DOCK3: variants seen among roughly 807,000 people sequenced by gnomAD.
DOCK3 encodes the protein dedicator of cytokinesis protein 3.
A neutral mutation model predicts 265.6 loss-of-function variants in DOCK3; 60 were observed. That is an observed-to-expected ratio of 0.23 (90% CI 0.18 to 0.28). The LOEUF (loss-of-function observed/expected upper bound fraction) is 0.28, where lower values mean the gene tolerates loss of function less well. Among genes scored for constraint, DOCK3 ranks in the 10% least tolerant of loss-of-function variants. The probability of loss-of-function intolerance (pLI) is 1.00; values close to 1 mark genes in which losing one functional copy is unlikely to be tolerated. For synonymous variants in DOCK3, 881 were observed against 938.0 expected, an observed-to-expected ratio of 0.94 and a Z score of 1.11; for missense variants, 1,981 against 2,594.3, an observed-to-expected ratio of 0.76 and a Z score of 5.14.
intron 10 of DOCK3, among the ~76,000 whole-genome samples, chr3:51,158,801 G>A (rs1385050186): frequency 6.6e-6 from 1 of 152,160 alleles, no homozygotes; most frequent in Non-Finnish European, 1.5e-5. Flanking sequence ...ATCATTTGTG[G>A]ACAGAGGAAT....
At chr3:51,237,735 C>A in intron 21 of DOCK3, 145 bp downstream of exon 21, 1 of 720,342 alleles carries the variant, frequency 1.4e-6, no homozygotes. Flanking sequence ...ATACACATAA[C>A]ACAAAATTGA....
At chr3:51,096,991 A>G (rs1487650453) in intron 9 of DOCK3, among the ~76,000 whole-genome samples, 1 of 152,182 alleles carries the variant, frequency 6.6e-6, no homozygotes, top group Non-Finnish European at 1.5e-5. Flanking sequence ...TTCGTCCCAG[A>G]GGGGCACCCA....
chr3:50,977,459 T>C (rs1374540458), intron 5 of DOCK3, among the ~76,000 whole-genome samples: 1 of 152,202 alleles, frequency 6.6e-6, no homozygotes, highest in African/African-American at 2.4e-5. Context: ...TTTAAGAATG[T>C]TGAATATTGG....
chr3:50,696,927 ATT>A (rs1193760650), intron 1 of DOCK3, among the ~76,000 whole-genome samples: 9 of 139,548 alleles, frequency 6.4e-5, no homozygotes, highest in Non-Finnish European at 9.4e-5. Flanking sequence ...ATAGCACTGA[ATT>A]TTTTTTTTTT....
intron 2 of DOCK3, chr3:50,787,949 A>T: frequency 1.0e-6 from 1 of 978,578 alleles, no homozygotes; most frequent in South Asian, 1.3e-5. Flanking sequence ...TTTGTAAAAG[A>T]CTTCTTCCTC....
intron 9 of DOCK3, among the ~76,000 whole-genome samples, chr3:51,125,561 C>T (rs1402210977): frequency 6.6e-6 from 1 of 152,092 alleles, no homozygotes; most frequent in Non-Finnish European, 1.5e-5. Context: ...ACAAGCAAGA[C>T]TTTGCCTCAT....
At chr3:51,340,871 G>A (rs1275455035) in intron 37 of DOCK3, among the ~76,000 whole-genome samples, 1 of 152,214 alleles carries the variant, frequency 6.6e-6, no homozygotes, top group Non-Finnish European at 1.5e-5. Flanking sequence ...AAAGGAAGCT[G>A]TAGTCAGTTG....
chr3:51,374,681 A>C lies in DOCK3; in HGVS notation c.5412+94A>C. On this transcript the variant is annotated intron_variant, in intron 50 of 52. Transcript: ENST00000266037. The surrounding 1 kb of genome is among the most constrained non-coding windows in gnomAD (Gnocchi z 4.8). ...TGCGGGGCCTTCTGCATTGTCCTAC[A>C]TGGCTCTCTCATTCCGCTGTAAGAT... is the stretch of plus-strand genomic sequence containing the variant. The C allele has an allele frequency of 7.4e-6, 9 of 1,210,550 alleles. No homozygotes were observed. The highest frequency in any genetic ancestry group is 9.5e-6 in the Non-Finnish European group (8 of 845,234). 75.0% of individuals were successfully genotyped at this position (1,210,550 alleles called of 1,614,324 possible). A position where few individuals can be genotyped will look rare whatever the true frequency, so the allele number is the denominator to read the frequency against.
intron 12 of DOCK3, among the ~76,000 whole-genome samples, chr3:51,173,046 G>C (rs1456670020): frequency 6.6e-6 from 1 of 152,086 alleles, no homozygotes; most frequent in Non-Finnish European, 1.5e-5. Flanking sequence ...CTATATATTA[G>C]TGATATAAGT....
chr3:50,869,387 T>TGGAGATAGGG (rs2047328223), intron 3 of DOCK3, among the ~76,000 whole-genome samples: 1 of 93,572 alleles, frequency 1.1e-5, no homozygotes, highest in Admixed American at 1.5e-4. Flanking sequence ...TTTTTTTTTT[T>TGGAGATAGGG]TTTGGAGATA....
At chr3:51,350,171 A>T in intron 39 of DOCK3, 117 bp from the exon 40 acceptor site, 1 of 836,104 alleles carries the variant, frequency 1.2e-6, no homozygotes, top group South Asian at 1.8e-5. Flanking sequence ...CTTACTTCTT[A>T]TCTAGATTGA....
At chr3:50,733,671 C>CA (rs1052969401) in intron 1 of DOCK3, among the ~76,000 whole-genome samples, 3 of 152,122 alleles carry the variant, frequency 2.0e-5, no homozygotes, top group South Asian at 4.1e-4. Flanking sequence ...TTTTAAAATC[C>CA]ATTTGGCCAC....
At chr3:51,308,902 T>C (rs1295102716) in intron 27 of DOCK3, among the ~76,000 whole-genome samples, 1 of 148,246 alleles carries the variant, frequency 6.7e-6, no homozygotes, top group Admixed American at 6.7e-5. Context: ...TCCTCACTTC[T>C]CAGACGGGGC....
intron 4 of DOCK3, among the ~76,000 whole-genome samples, chr3:50,928,504 T>C (rs1180702564): frequency 1.3e-5 from 2 of 152,248 alleles, no homozygotes; most frequent in Non-Finnish European, 2.9e-5. Flanking sequence ...TTGAATAATA[T>C]TCCATTGCAC....
chr3:50,802,001 A>T (rs981796869), intron 2 of DOCK3, among the ~76,000 whole-genome samples: 1 of 152,182 alleles, frequency 6.6e-6, no homozygotes, highest in Non-Finnish European at 1.5e-5. Context: ...GTCCAATATA[A>T]GTATAGCTAT....
At chr3:51,287,495 G>A (rs1360835133) in intron 27 of DOCK3, among the ~76,000 whole-genome samples, 4 of 152,118 alleles carry the variant, frequency 2.6e-5, no homozygotes, top group Non-Finnish European at 4.4e-5. Context: ...AGGCTGCAGT[G>A]AGCTGATTGT....
At chr3:51,372,137 T>G (rs540218809) in intron 49 of DOCK3, among the ~76,000 whole-genome samples, 2 of 152,226 alleles carry the variant, frequency 1.3e-5, no homozygotes, top group African/African-American at 4.8e-5. Flanking sequence ...CTCTTGTGAG[T>G]TGACAGCTCC....
intron 1 of DOCK3, among the ~76,000 whole-genome samples, chr3:50,724,652 C>T (rs572961070): frequency 2.8e-4 from 38 of 135,744 alleles, no homozygotes; most frequent in Admixed American, 6.2e-4. Context: ...CACATGGACA[C>T]GGGGAGGGGA....
At chr3:51,341,810 A>C (rs779132380) in intron 38 of DOCK3, among the ~76,000 whole-genome samples, 6 of 152,232 alleles carry the variant, frequency 3.9e-5, no homozygotes, top group Non-Finnish European at 8.8e-5. Context: ...ACTGCCTCTT[A>C]CTGGTATGTG....
Sources: allele counts gnomAD v4.1 joint callset (sites outside exome capture counted in the v4.1 genomes callset), GRCh38; gene constraint gnomAD v4.1.1; non-coding constraint Gnocchi (gnomAD v3.1); transcripts MANE v1.5; gene names NCBI Gene and HGNC (gene_info 2026-07-23, HGNC 2026-07-21).